Variants in IPO5 observed in about 807,000 individuals in gnomAD.
IPO5 encodes the protein importin-5.
Under a neutral mutation model 143.3 loss-of-function variants are expected in IPO5, and 18 were observed. The ratio of observed to expected loss-of-function variants is 0.13; its 90% CI spans 0.09 to 0.19. The LOEUF (loss-of-function observed/expected upper bound fraction) is 0.19, where lower values mean the gene tolerates loss of function less well. IPO5 is among the 10% of genes least tolerant of loss of function. The pLI, the probability that IPO5 is intolerant of heterozygous loss-of-function variation, is 1.00. For synonymous variants in IPO5, 477 were observed against 465.7 expected (o/e 1.02, Z -0.31); for missense variants, 1,013 against 1,336.9 (o/e 0.76, Z 3.78).
At chr13:98,005,769 A>AT (rs1889188573) in intron 16 of IPO5, among the ~76,000 whole-genome samples, 1 of 151,996 alleles carries the variant, frequency 6.6e-6, no homozygotes, top group Non-Finnish European at 1.5e-5. Flanking sequence ...AAATATAATC[A>AT]TAAGTAGAGG....
rs772094833 is a variant in IPO5, at chr13:97,976,792, C to G, written c.90+6C>G. ...TGGTCCGGAAACAGGCAGAGGTAACCGAGTTCGCCGCCCCAGTCTTCGCGC... is the reference window on the plus strand; with the variant it reads ...TGGTCCGGAAACAGGCAGAGGTAACGGAGTTCGCCGCCCCAGTCTTCGCGC... On this transcript the variant is annotated splice_donor_region_variant and intron_variant, in intron 4 of 28. Transcript: ENST00000651721. 1.5e-6 allele frequency: 2 copies of G among 1,310,884 alleles called. No homozygotes were observed. The highest frequency in any genetic ancestry group is 1.3e-5 in the South Asian group (1 of 78,188). The allele number at this position is 1,310,884 out of a possible 1,614,324, so 81.2% of individuals were successfully genotyped here.
chr13:97,974,002 C>T (rs890717960), intron 3 of IPO5, among the ~76,000 whole-genome samples: 5 of 152,064 alleles, frequency 3.3e-5, no homozygotes, highest in East Asian at 1.9e-4. Context: ...CAAGAAGTGG[C>T]GGCTGCAGTG....
Position 97,985,462 on chromosome 13 carries a change from C to G in IPO5, c.213C>G (p.Ser71=). The stretch of plus-strand genomic sequence containing the variant: ...CCGTTCTCCTAAGACGTCTCTTGTC[C>G]TCTGCATTTGATGAAGTCTATCCAG... ...MAAVLLRRLL[S]SAFDEVYPAL... Residue 71 remains serine (S), a synonymous_variant, in exon 6 of 29, where the codon TCC becomes TCG. Transcript: ENST00000651721. 6.2e-7 allele frequency: 1 copy of G among 1,614,130 alleles called. No individual in the cohort carries two copies. The highest frequency in any genetic ancestry group is 8.5e-7 in the Non-Finnish European group (1 of 1,180,022).
At position 97,989,076 on chromosome 13, in the gene IPO5, A is replaced by G; in HGVS notation, c.379A>G (p.Asn127Asp). The G allele has an allele frequency of 6.2e-7, 1 of 1,610,820 alleles. No individual in the cohort carries two copies. The highest frequency in any genetic ancestry group is 1.1e-5 in the South Asian group (1 of 90,990). ...ARNLIDEDGNNQWPEGLKFLF... is the reference protein window; with the variant it reads ...ARNLIDEDGNDQWPEGLKFLF... Reference sequence around the variant, plus strand: ...TTTACTTTCAGATGAGGATGGCAATAACCAGTGGCCCGAAGGTTTGAAGTT... The same window carrying G: ...TTTACTTTCAGATGAGGATGGCAATGACCAGTGGCCCGAAGGTTTGAAGTT... The change falls in exon 7 of 29, where the codon AAC becomes GAC. Residue 127 changes from asparagine (N) to aspartate (D), a missense_variant. Around this residue, in one of 2 missense-constraint regions of IPO5, gnomAD observed 328 missense variants for 342.0 expected, o/e 0.96. Coordinates refer to ENST00000651721, the MANE Select transcript of IPO5 (RefSeq NM_002271.6).
At chr13:97,958,719 C>T (rs1454169231) in intron 2 of IPO5, among the ~76,000 whole-genome samples, 2 of 151,742 alleles carry the variant, frequency 1.3e-5, no homozygotes, top group Non-Finnish European at 2.9e-5. Context: ...TAAAACCGAC[C>T]ACACAACAGT....
At chr13:98,004,588 G>C (rs1394365971) in intron 16 of IPO5, among the ~76,000 whole-genome samples, 2 of 152,206 alleles carry the variant, frequency 1.3e-5, no homozygotes, top group Non-Finnish European at 2.9e-5. Context: ...AGTGGAAGGA[G>C]TTGTTGGGAT....
chr13:98,021,659 G>T, intron 28 of IPO5, 77 bp from the exon 29 acceptor site: 1 of 790,542 alleles, frequency 1.3e-6, no homozygotes, highest in Non-Finnish European at 1.9e-6. Flanking sequence ...CATGATTACA[G>T]TTTACCTATG....
Position 98,010,169 on chromosome 13 carries a change from G to C in IPO5, c.2000G>C (p.Ser667Thr). 6.2e-7 allele frequency: 1 copy of C among 1,614,120 alleles called. No homozygotes were observed. Among genetic ancestry groups the C allele is most frequent in the East Asian group, 2.2e-5 (1 of 44,872 alleles). Residue 667 changes from serine (S) to threonine (T), a missense_variant, in exon 20 of 29, where the codon AGC becomes ACC. Transcript: ENST00000651721. ...WEFVNLGDQQ[S>T]FGIKTAGLEE... is the part of the protein sequence containing the mutation. Reference sequence around the variant, plus strand: ...TTTGTGAACCTTGGAGATCAGCAAAGCTTTGGTATTAAAACTGCAGGACTA... The same window carrying C: ...TTTGTGAACCTTGGAGATCAGCAAACCTTTGGTATTAAAACTGCAGGACTA...
chr13:98,005,696 G>A (rs921126965), intron 16 of IPO5, among the ~76,000 whole-genome samples: 5 of 151,972 alleles, frequency 3.3e-5, no homozygotes, highest in Non-Finnish European at 7.4e-5. Flanking sequence ...GGGGAGAGGG[G>A]GTTAGAAGAT....
chr13:98,011,698 G>A (rs1217777707), intron 20 of IPO5, among the ~76,000 whole-genome samples: 4 of 152,134 alleles, frequency 2.6e-5, no homozygotes, highest in Non-Finnish European at 5.9e-5. Context: ...GTAGAGACGG[G>A]GTTTCACTGT....
At chr13:97,986,199 T>A (rs1887328014) in intron 6 of IPO5, among the ~76,000 whole-genome samples, 1 of 152,196 alleles carries the variant, frequency 6.6e-6, no homozygotes, top group South Asian at 2.1e-4. Flanking sequence ...CCTAAATCTA[T>A]AATGTTTTAG....
At chr13:98,007,206 T>TC (rs1241741978) in intron 17 of IPO5, among the ~76,000 whole-genome samples, 2 of 152,190 alleles carry the variant, frequency 1.3e-5, no homozygotes, top group African/African-American at 2.4e-5. Flanking sequence ...TGATGCCTCC[T>TC]CCTTTCCCCA....
At chr13:97,993,479 T>C (rs1887967427) in intron 11 of IPO5, among the ~76,000 whole-genome samples, 1 of 152,216 alleles carries the variant, frequency 6.6e-6, no homozygotes, top group Non-Finnish European at 1.5e-5. Context: ...TGACAGACTC[T>C]ATCATTTATA....
At position 97,954,042 on chromosome 13, in the gene IPO5, A is replaced by G. The variant is rs182278214; in HGVS notation, c.-192-77A>G. On this transcript the variant is annotated intron_variant, in intron 1 of 28. Transcript: ENST00000651721. Reference sequence around the variant, plus strand: ...GGCATCACTTGATTAGAGTTGCCCAAAAGAATGTGGGTTATTATCCTAAAG... The same window carrying G: ...GGCATCACTTGATTAGAGTTGCCCAGAAGAATGTGGGTTATTATCCTAAAG... 2.5e-5 allele frequency: 9 copies of G among 361,090 alleles called. No homozygotes were observed. The Admixed American group carries it at 2.5e-4, about 10-fold the overall frequency. The allele number at this position is 361,090 out of a possible 1,614,324, so 22.4% of individuals were successfully genotyped here.
At chr13:97,986,834 G>A (rs1490292738) in intron 6 of IPO5, 2 of 152,154 alleles carry the variant, frequency 1.3e-5, no homozygotes, top group African/African-American at 2.4e-5. Context: ...TTGGTCTAGT[G>A]CCTGGGAGAG....
rs1434662525 is a variant in IPO5, at chr13:98,023,499, A to C, written c.*1677A>C. ...AATTATTACTACACTTTATTACTAC[A>C]CTTGCAGAAAAGAAACATGTTAAAA... On this transcript the variant is annotated 3_prime_UTR_variant, in exon 29 of 29. Transcript: ENST00000651721. The C allele has an allele frequency of 1.1e-4, 16 of 152,190 alleles. No homozygotes were observed. The allele number at this position is 152,190 out of a possible 1,614,324, so 9.4% of individuals were successfully genotyped here. A position where few individuals can be genotyped will look rare whatever the true frequency, so the allele number is the denominator to read the frequency against.
intron 16 of IPO5, among the ~76,000 whole-genome samples, chr13:98,004,890 AT>A (rs1414464834): frequency 6.0e-5 from 9 of 150,938 alleles, no homozygotes; most frequent in African/African-American, 1.7e-4. Flanking sequence ...ATTTTATTTT[AT>A]TTTATTTATT....
intron 6 of IPO5, among the ~76,000 whole-genome samples, chr13:97,988,696 G>A (rs1887576248): frequency 1.3e-5 from 2 of 152,162 alleles, no homozygotes; most frequent in South Asian, 2.1e-4. Context: ...GCTGAGGCAG[G>A]AGAATTGCTT....
At position 97,985,497 on chromosome 13, in the gene IPO5, C is replaced by G. The variant is rs1887260521; in HGVS notation, c.248C>G (p.Ser83Cys). Reference protein sequence around the residue: ...AFDEVYPALPSDVQTAIKSEL... With the variant: ...AFDEVYPALPCDVQTAIKSEL... ...GATGAAGTCTATCCAGCACTTCCCT[C>G]TGATGTTCAGACTGCCATCAAGAGT... Residue 83 changes from serine (S) to cysteine (C), a missense_variant, in exon 6 of 29, where the codon TCT becomes TGT. Ser to Cys is a moderately radical substitution (Grantham distance 112). This residue lies in a region of IPO5 where 328 missense variants were observed against 342.0 expected (regional missense o/e 0.96). Coordinates refer to ENST00000651721, the MANE Select transcript of IPO5 (RefSeq NM_002271.6). 1.2e-6 allele frequency: 2 copies of G among 1,613,912 alleles called. No individual in the cohort carries two copies. Among genetic ancestry groups the G allele is most frequent in the African/African-American group, 2.7e-5 (2 of 75,026 alleles).
Sources: allele counts gnomAD v4.1 joint callset (sites outside exome capture counted in the v4.1 genomes callset), GRCh38; gene constraint gnomAD v4.1.1; regional missense constraint gnomAD v4.1.1; transcripts MANE v1.5; gene names NCBI Gene and HGNC (gene_info 2026-07-23, HGNC 2026-07-21).